Variants in ELAVL4 observed in about 807,000 individuals in gnomAD.
ELAVL4 encodes ELAV-like protein 4.
In ELAVL4, 1 loss-of-function variant was observed where a neutral mutation model predicts 35.6. The ratio of observed to expected loss-of-function variants is 0.03; its 90% CI spans 0.01 to 0.13. ELAVL4 has a LOEUF of 0.13. Among genes scored for constraint, ELAVL4 ranks in the 10% least tolerant of loss-of-function variants. The pLI, the probability that ELAVL4 is intolerant of heterozygous loss-of-function variation, is 1.00. For synonymous variants in ELAVL4, 156 were observed against 171.0 expected (o/e 0.91, Z 0.69); for missense variants, 267 against 464.9 (o/e 0.57, Z 3.91).
chr1:50,052,860 T>C (rs761906868), intron 1 of ELAVL4, among the ~76,000 whole-genome samples: 20 of 152,260 alleles, frequency 1.3e-4, no homozygotes, highest in Non-Finnish European at 2.2e-4. Context: ...AAACTTATGT[T>C]GTGCAAAAAT....
At chr1:50,189,206 A>G (rs979805169) in intron 3 of ELAVL4, among the ~76,000 whole-genome samples, 11 of 152,144 alleles carry the variant, frequency 7.2e-5, no homozygotes, top group African/African-American at 2.2e-4. Flanking sequence ...ATTATGGAGG[A>G]CAGACAAGGA....
chr1:50,133,239 G>A (rs767040104), intron 1 of ELAVL4, among the ~76,000 whole-genome samples: 14 of 152,288 alleles, frequency 9.2e-5, no homozygotes, highest in African/African-American at 1.4e-4. Context: ...CATAAGAAGA[G>A]ATGTGCCAAT....
At chr1:50,108,171 T>C (rs1666507058), upstream of ELAVL4, among the ~76,000 whole-genome samples, 1 of 152,168 alleles carries the variant, frequency 6.6e-6, no homozygotes, top group African/African-American at 2.4e-5. Context: ...TCCTCAGTTT[T>C]GAAAAGCTCA....
At position 50,071,870 on chromosome 1, in the gene ELAVL4, G is replaced by C. The variant is rs141543916; in HGVS notation, c.18+23688G>C. ...CACATAAGGGTGTTGAAAAACTGTT[G>C]AGAGAACATACGTGATAGCAGTCTA... On this transcript the variant is annotated intron_variant, in intron 1 of 6. Transcript: ENST00000448907. Among the ~76,000 whole-genome samples, 238 of 152,232 alleles carry C rather than the reference G, an allele frequency of 1.6e-3. 1 individual carries two copies. In the East Asian group the frequency reaches 0.018, roughly 12 times the overall value.
chr1:50,108,576 C>T (rs1021988565), upstream of ELAVL4, among the ~76,000 whole-genome samples: 1 of 152,070 alleles, frequency 6.6e-6, no homozygotes. Context: ...GTTCGGCCCT[C>T]AGGATGGGAA....
At chr1:50,051,079 G>A (rs1032937646) in intron 1 of ELAVL4, among the ~76,000 whole-genome samples, 4 of 152,102 alleles carry the variant, frequency 2.6e-5, no homozygotes, top group Admixed American at 2.0e-4. Context: ...TTAATAAAAT[G>A]TTGTAAAACT....
intron 1 of ELAVL4, among the ~76,000 whole-genome samples, chr1:50,094,949 TA>T (rs913752600): frequency 2.6e-4 from 39 of 151,246 alleles, no homozygotes; most frequent in African/African-American, 3.9e-4. Flanking sequence ...AAAATAATAA[TA>T]AAAAAAATTA....
rs1448068638 is a variant in ELAVL4, at chr1:50,202,636, T to C, written c.*1458T>C. 6.6e-6 allele frequency: 1 copy of C among 152,078 alleles called. No homozygotes were observed. Among genetic ancestry groups the C allele is most frequent in the African/African-American group, 2.4e-5 (1 of 41,444 alleles). The allele number at this position is 152,078 out of a possible 1,614,324, so 9.4% of individuals were successfully genotyped here. On this transcript the variant is annotated 3_prime_UTR_variant, in exon 7 of 7. Transcript: ENST00000371824. Reference sequence around the variant, plus strand: ...CTATGGGAAGAAGCATATTATTGTGTCATTCTGTTGTGTGTGTATGTGTAT... The same window carrying C: ...CTATGGGAAGAAGCATATTATTGTGCCATTCTGTTGTGTGTGTATGTGTAT...
chr1:50,073,271 G>A (rs1346476240), intron 1 of ELAVL4, among the ~76,000 whole-genome samples: 4 of 152,054 alleles, frequency 2.6e-5, no homozygotes, highest in Non-Finnish European at 4.4e-5. Context: ...CTTCATATTT[G>A]GCCATTTTCC....
chr1:50,147,640 A>C (rs898974974), intron 2 of ELAVL4, among the ~76,000 whole-genome samples: 1 of 152,182 alleles, frequency 6.6e-6, no homozygotes, highest in Admixed American at 6.5e-5. Context: ...TTCAGAAGTC[A>C]GGGTAAATGA....
intron 1 of ELAVL4, among the ~76,000 whole-genome samples, chr1:50,116,707 A>G (rs1422027881): frequency 2.6e-5 from 4 of 152,102 alleles, no homozygotes; most frequent in South Asian, 2.1e-4. Context: ...AGAACTTGCC[A>G]TCTTTACTAA....
chr1:50,118,065 G>C (rs898027645), intron 1 of ELAVL4, among the ~76,000 whole-genome samples: 1 of 152,038 alleles, frequency 6.6e-6, no homozygotes, highest in African/African-American at 2.4e-5. Context: ...TCATGAAAGA[G>C]CCTGTTAGGA....
intron 6 of ELAVL4, among the ~76,000 whole-genome samples, chr1:50,198,827 G>C (rs1394673175): frequency 1.3e-5 from 2 of 152,080 alleles, no homozygotes; most frequent in Non-Finnish European, 2.9e-5. Context: ...TTTTCCTATT[G>C]AACCCAGATT....
At chr1:50,112,205 C>A (rs1234097587) in intron 1 of ELAVL4, among the ~76,000 whole-genome samples, 2 of 151,862 alleles carry the variant, frequency 1.3e-5, no homozygotes, top group Admixed American at 6.6e-5. Context: ...TTGAAACTTG[C>A]GGCCATATGT....
chr1:50,119,036 A>AAAGGAAAG (rs1668502450), intron 1 of ELAVL4, among the ~76,000 whole-genome samples: 4 of 127,174 alleles, frequency 3.1e-5, no homozygotes, highest in African/African-American at 1.2e-4. Flanking sequence ...GAAAGAAAGA[A>AAAGGAAAG]AAAGAAAGAA....
chr1:50,108,298 C>T (rs1020304743), upstream of ELAVL4, among the ~76,000 whole-genome samples: 1 of 152,032 alleles, frequency 6.6e-6, no homozygotes, highest in Non-Finnish European at 1.5e-5. Flanking sequence ...ACCTAGTTCA[C>T]GGAGCAAGCT....
intron 2 of ELAVL4, among the ~76,000 whole-genome samples, chr1:50,176,815 C>A (rs540778571): frequency 6.6e-6 from 1 of 152,230 alleles, no homozygotes; most frequent in Non-Finnish European, 1.5e-5. Context: ...ACTTGTGTAT[C>A]TCTTGTGTGG....
At position 50,148,729 on chromosome 1, in the gene ELAVL4, T is replaced by C. The variant is rs182260004; in HGVS notation, c.250+3532T>C. On this transcript the variant is annotated intron_variant, in intron 2 of 6. Coordinates refer to ENST00000371824, the MANE Select transcript of ELAVL4 (RefSeq NM_001144774.3). ...GCTGGGGAAAACAAAGGAAGTGTCATGTGACCCACAGAGTTCATGCAACCT... is the reference window on the plus strand; with the variant it reads ...GCTGGGGAAAACAAAGGAAGTGTCACGTGACCCACAGAGTTCATGCAACCT... 2.4e-3 allele frequency among the ~76,000 whole-genome samples: 361 copies of C among 152,344 alleles called. 1 individual carries two copies. The highest frequency in any genetic ancestry group is 2.7e-3 in the Non-Finnish European group (184 of 68,030).
At chr1:50,123,749 A>G (rs949261685) in intron 1 of ELAVL4, among the ~76,000 whole-genome samples, 29 of 151,930 alleles carry the variant, frequency 1.9e-4, no homozygotes, top group African/African-American at 6.8e-4. Flanking sequence ...GGTGTTCCCT[A>G]CTGTTGCTCA....
Sources: gnomAD v4.1 joint callset for allele counts (sites outside exome capture counted in the v4.1 genomes callset) on GRCh38, gnomAD v4.1.1 for gene constraint, MANE v1.5 for transcripts, NCBI Gene and HGNC (gene_info 2026-07-23, HGNC 2026-07-21) for gene names.